The following TECPR2 variants were observed in gnomAD, a reference collection of about 807,000 sequenced individuals.
TECPR2 encodes tectonin beta-propeller repeat containing 2.
In TECPR2, 65 loss-of-function variants were observed where a neutral mutation model predicts 138.1. That is an observed-to-expected ratio of 0.47 (90% CI 0.39 to 0.58). The LOEUF (loss-of-function observed/expected upper bound fraction) is 0.58. Among genes scored for constraint, TECPR2 ranks in the 20% least tolerant of loss-of-function variants. The pLI is 0.00. For synonymous variants in TECPR2, 746 were observed against 749.8 expected (o/e 0.99, Z 0.08); for missense variants, 1,553 against 1,824.5 (o/e 0.85, Z 2.71).
In TECPR2 at chr14:102,428,243, T is replaced by TTTTTC; in HGVS notation, c.952-6_952-5insTTTCT. ...TTTTGTTTTTTTTTTTTTTTTTTTTTTGACAGGCCACAGTTGCTGGTTTGG... is the reference window on the plus strand; with the variant it reads ...TTTTGTTTTTTTTTTTTTTTTTTTTTTTTTCTGACAGGCCACAGTTGCTGGTTTGG... On this transcript the variant is annotated splice_polypyrimidine_tract_variant and splice_region_variant and intron_variant, in intron 6 of 19. Transcript: ENST00000359520. 1 of 1,445,848 alleles carries TTTTTC rather than the reference T, an allele frequency of 6.9e-7. No individual in the cohort carries two copies. The highest frequency in any genetic ancestry group is 9.2e-7 in the Non-Finnish European group (1 of 1,089,106). 89.6% of individuals were successfully genotyped at this position (1,445,848 alleles called of 1,614,324 possible). A position where few individuals can be genotyped will look rare whatever the true frequency, so the allele number is the denominator to read the frequency against.
chr14:102,423,237 A>G (rs757503309), intron 5 of TECPR2, among the ~76,000 whole-genome samples: 1 of 152,198 alleles, frequency 6.6e-6, no homozygotes, highest in African/African-American at 2.4e-5. Flanking sequence ...GTTCGAGACC[A>G]GCCTGGCCAA....
chr14:102,495,929 G>A (rs1891268402), intron 17 of TECPR2, among the ~76,000 whole-genome samples: 1 of 152,270 alleles, frequency 6.6e-6, no homozygotes, highest in Non-Finnish European at 1.5e-5. Context: ...CACTGCCTGA[G>A]GGCCCTGAGA....
At chr14:102,427,730 G>A (rs941988472) in intron 6 of TECPR2, among the ~76,000 whole-genome samples, 8 of 152,166 alleles carry the variant, frequency 5.3e-5, no homozygotes, top group East Asian at 1.9e-4. Flanking sequence ...GGGACTAGAC[G>A]TGTCTGCACG....
chr14:102,465,460 G>A (rs1162446615), intron 17 of TECPR2, 171 bp downstream of exon 17: 5 of 1,405,008 alleles, frequency 3.6e-6, no homozygotes, highest in South Asian at 1.8e-5. Flanking sequence ...ACTGGAATTC[G>A]GGATTTGTGA....
chr14:102,428,155 G>A (rs1595119612), intron 6 of TECPR2, 95 bp from the exon 7 acceptor site: 1 of 1,409,618 alleles, frequency 7.1e-7, no homozygotes, highest in East Asian at 2.5e-5. Flanking sequence ...TCATTTGACT[G>A]ATTTGGACTC....
chr14:102,497,578 G>A lies in TECPR2; in HGVS notation c.3940G>A (p.Ala1314Thr). Residue 1314 changes from alanine (A) to threonine (T), a missense_variant, in exon 19 of 20, where the codon GCC (alanine) becomes ACC (threonine). Physicochemically the swap from Ala to Thr is moderately conservative, Grantham distance 58. Coordinates refer to ENST00000359520, the MANE Select transcript of TECPR2 (RefSeq NM_014844.5). ...TAWEHVPGLQ[A>T]CQLALSTRTV... is the part of the protein sequence containing the mutation. ...ACCCTGTCTGCCCACAGGGTTGCAGGCCTGCCAGCTGGCGCTGAGCACCAG... is the reference window on the plus strand; with the variant it reads ...ACCCTGTCTGCCCACAGGGTTGCAGACCTGCCAGCTGGCGCTGAGCACCAG... 1 of 1,598,758 alleles carries A rather than the reference G, an allele frequency of 6.3e-7. No homozygotes were observed.
rs760819559 is a variant in TECPR2 at position 102,445,795 on chromosome 14, C to G, written c.2934-11C>G. On this transcript the variant is annotated splice_polypyrimidine_tract_variant and intron_variant, in intron 12 of 19. Transcript: ENST00000359520. ...GGGTGCTGACCCCCCTGTTCTCCTCCTTATTTTCAGCGAAAGGCAAGCTTT... is the reference window on the plus strand; with the variant it reads ...GGGTGCTGACCCCCCTGTTCTCCTCGTTATTTTCAGCGAAAGGCAAGCTTT... 17 of 1,613,196 alleles carry G rather than the reference C, an allele frequency of 1.1e-5. No homozygotes were observed. The highest frequency in any genetic ancestry group is 2.7e-5 in the African/African-American group (2 of 74,864).
Position 102,438,102 on chromosome 14 carries a change from C to G in TECPR2, c.2475C>G (p.Cys825Trp). ...TGGTCTCCGAGAAGTATATCTGGTG[C>G]CTGGACTACAAAGGCGGCCTGTTCT... is the stretch of plus-strand genomic sequence containing the variant. ...SLVVSEKYIW[C>W]LDYKGGLFCS... Residue 825 changes from cysteine (C) to tryptophan (W), a missense_variant, in exon 10 of 20, where the codon TGC (cysteine) becomes TGG (tryptophan). Cys to Trp is a radical substitution (Grantham distance 215). Coordinates refer to ENST00000359520, the MANE Select transcript of TECPR2 (RefSeq NM_014844.5). 6.2e-7 allele frequency: 1 copy of G among 1,614,126 alleles called. No individual in the cohort carries two copies. The highest frequency in any genetic ancestry group is 8.5e-7 in the Non-Finnish European group (1 of 1,180,004).
intron 10 of TECPR2, among the ~76,000 whole-genome samples, chr14:102,439,674 G>A (rs529985610): frequency 1.2e-4 from 18 of 152,280 alleles, no homozygotes; most frequent in South Asian, 6.2e-4. Context: ...CAGTTGAGGC[G>A]TCCTTCAGGG....
intron 7 of TECPR2, among the ~76,000 whole-genome samples, chr14:102,431,513 T>TG (rs1205899019): frequency 2.0e-5 from 3 of 152,024 alleles, no homozygotes; most frequent in Non-Finnish European, 4.4e-5. Flanking sequence ...CGGCTAATTT[T>TG]TTGTATTTTT....
At chr14:102,369,507 G>T (rs1887436500) in intron 1 of TECPR2, among the ~76,000 whole-genome samples, 1 of 152,092 alleles carries the variant, frequency 6.6e-6, no homozygotes, top group Non-Finnish European at 1.5e-5. Flanking sequence ...TCCAGGTTCA[G>T]TCGATCCTCC....
rs1364819755 is a variant in TECPR2, at chr14:102,438,121, C to CTGTT, written c.2495_2498dup (p.Cys834ValfsTer16). The CTGTT allele has an allele frequency of 1.2e-6, 2 of 1,614,044 alleles. No homozygotes were observed. The highest frequency in any genetic ancestry group is 3.3e-5 in the Admixed American group (2 of 60,022). ...CTGGTGCCTGGACTACAAAGGCGGC[C>CTGTT]TGTTCTGCAGCGCGTTGCCGGGCGC... On this transcript the variant is annotated frameshift_variant, in exon 10 of 20. Coordinates refer to ENST00000359520, the MANE Select transcript of TECPR2 (RefSeq NM_014844.5). LOFTEE classifies it high-confidence loss of function.
In TECPR2 at chr14:102,498,729, CAT is replaced by C. The variant is rs1567367167; in HGVS notation, c.*474_*475del. On this transcript the variant is annotated 3_prime_UTR_variant, in exon 20 of 20. Transcript: ENST00000359520. ...GTGCTCGGTGATGGCTTTGTCCCAT[CAT>C]AGGGGGGTGTCCCCCCAGAGACAAA... The C allele has an allele frequency of 1.1e-5, 5 of 447,676 alleles. No homozygotes were observed. Among genetic ancestry groups the C allele is most frequent in the African/African-American group, 9.8e-5 (5 of 51,004 alleles). 27.7% of individuals were successfully genotyped at this position (447,676 alleles called of 1,614,324 possible).
At chr14:102,483,416 GT>G (rs11308379) in intron 17 of TECPR2, among the ~76,000 whole-genome samples, 102,572 of 151,296 alleles carry the variant, frequency 0.68, 35,701 homozygotes, top group African/African-American at 0.84. Context: ...TTGTTGTAGG[GT>G]TTTTTGTTGT....
At chr14:102,392,375 C>T (rs575829655) in intron 2 of TECPR2, among the ~76,000 whole-genome samples, 2 of 152,198 alleles carry the variant, frequency 1.3e-5, no homozygotes, top group East Asian at 1.9e-4. Context: ...TGAATCTTTT[C>T]ATCTCTTTGT....
intron 1 of TECPR2, among the ~76,000 whole-genome samples, chr14:102,363,515 C>G (rs1171963012): frequency 6.6e-6 from 1 of 151,854 alleles, no homozygotes; most frequent in East Asian, 2.0e-4. Context: ...CAGCCCGCGT[C>G]CCTTACATCC....
chr14:102,362,955 C>A lies in TECPR2; in HGVS notation c.-234C>A, dbSNP rs1264265246. ...CGCCCGCTGCCACTTGTGGCTCTGCCGCTCTAGCCCCCGGCGGAGCCAGCT... is the reference window on the plus strand; with the variant it reads ...CGCCCGCTGCCACTTGTGGCTCTGCAGCTCTAGCCCCCGGCGGAGCCAGCT... On this transcript the variant is annotated 5_prime_UTR_variant, in exon 1 of 20. Coordinates refer to ENST00000359520, the MANE Select transcript of TECPR2 (RefSeq NM_014844.5). The A allele has an allele frequency of 2.7e-6, 4 of 1,463,654 alleles. No individual in the cohort carries two copies. The highest frequency in any genetic ancestry group is 3.8e-6 in the Non-Finnish European group (4 of 1,063,676). The allele number at this position is 1,463,654 out of a possible 1,614,324, so 90.7% of individuals were successfully genotyped here.
At chr14:102,467,402 A>G (rs1199503061) in intron 17 of TECPR2, among the ~76,000 whole-genome samples, 7 of 142,634 alleles carry the variant, frequency 4.9e-5, no homozygotes, top group Non-Finnish European at 7.4e-5. Context: ...TTGGCTCACT[A>G]CAACCTCCGC....
intron 1 of TECPR2, among the ~76,000 whole-genome samples, chr14:102,363,342 G>C (rs1887236514): frequency 6.6e-6 from 1 of 152,100 alleles, no homozygotes; most frequent in African/African-American, 2.4e-5. Flanking sequence ...CGCAGAATCC[G>C]GCGGTCCGCA....
Sources: allele counts gnomAD v4.1 joint callset (sites outside exome capture counted in the v4.1 genomes callset), GRCh38; gene constraint gnomAD v4.1.1; transcripts MANE v1.5; gene names NCBI Gene and HGNC (gene_info 2026-07-23, HGNC 2026-07-21).